The following TMTC2 variants were observed in gnomAD, a reference collection of about 807,000 sequenced individuals.
TMTC2 encodes protein O-mannosyl-transferase TMTC2.
A neutral mutation model predicts 82.4 loss-of-function variants in TMTC2; 43 were observed. That is an observed-to-expected ratio of 0.52 (90% confidence interval 0.41 to 0.67). The LOEUF is 0.67. Ranked by LOEUF, TMTC2 falls within the 30% of genes least tolerant of loss-of-function variation. TMTC2 has a pLI of 0.00. For synonymous variants in TMTC2, 408 were observed against 381.9 expected (o/e 1.07, Z -0.80); for missense variants, 919 against 1,012.4 (o/e 0.91, Z 1.25).
At chr12:82,731,118 A>G (rs1874787060) in intron 1 of TMTC2, among the ~76,000 whole-genome samples, 1 of 152,260 alleles carries the variant, frequency 6.6e-6, no homozygotes, top group Non-Finnish European at 1.5e-5. Context: ...TACATTCAAC[A>G]AATGAAAAAA....
chr12:82,938,969 A>G (rs533340038), intron 4 of TMTC2, among the ~76,000 whole-genome samples: 12 of 152,248 alleles, frequency 7.9e-5, no homozygotes, highest in African/African-American at 2.9e-4. Flanking sequence ...AATCATTATT[A>G]ATTTTTGACT....
chr12:82,785,658 A>G (rs981007384), intron 1 of TMTC2, among the ~76,000 whole-genome samples: 2 of 152,090 alleles, frequency 1.3e-5, no homozygotes, highest in African/African-American at 4.8e-5. Context: ...TTCATTCTCA[A>G]ATCCCAAATG....
chr12:83,072,120 C>G (rs1182839941), intron 11 of TMTC2, among the ~76,000 whole-genome samples: 1 of 152,040 alleles, frequency 6.6e-6, no homozygotes, highest in African/African-American at 2.4e-5. Context: ...TGTGCTCTTT[C>G]AGTCTCTTTG....
chr12:83,129,369 A>G (rs10161243), intron 11 of TMTC2, among the ~76,000 whole-genome samples: 1,954 of 152,276 alleles, frequency 0.013, 40 homozygotes, highest in African/African-American at 0.045. Flanking sequence ...AATTAAAGTG[A>G]TTACAAAAAC....
intron 1 of TMTC2, among the ~76,000 whole-genome samples, chr12:82,692,300 G>T (rs1462960918): frequency 6.6e-6 from 1 of 152,122 alleles, no homozygotes. Flanking sequence ...TAGTTCTTCA[G>T]TGCTAATGTG....
intron 1 of TMTC2, among the ~76,000 whole-genome samples, chr12:82,810,819 C>G (rs762183580): frequency 6.6e-5 from 10 of 152,100 alleles, no homozygotes; most frequent in Non-Finnish European, 1.3e-4. Flanking sequence ...GTGCTCTTCC[C>G]CCTTAGCTGG....
chr12:82,988,850 A>G (rs982653684), intron 8 of TMTC2, among the ~76,000 whole-genome samples: 3 of 147,064 alleles, frequency 2.0e-5, no homozygotes, highest in African/African-American at 7.6e-5. Flanking sequence ...CAGTGAATCT[A>G]TTCCATCTAG....
intron 1 of TMTC2, among the ~76,000 whole-genome samples, chr12:82,776,399 CAT>C (rs1565745556): frequency 3.3e-5 from 5 of 152,090 alleles, no homozygotes; most frequent in Non-Finnish European, 7.4e-5. Context: ...ATTACCTGTG[CAT>C]TTTATTTCCT....
intron 11 of TMTC2, among the ~76,000 whole-genome samples, chr12:83,111,095 A>G (rs1427248336): frequency 2.0e-5 from 3 of 152,172 alleles, no homozygotes; most frequent in Non-Finnish European, 4.4e-5. Context: ...TACCATCACC[A>G]CTGACCTATA....
chr12:82,716,834 T>C lies in TMTC2; in HGVS notation c.83+29165T>C, dbSNP rs576981367. Among the ~76,000 whole-genome samples the C allele has an allele frequency of 3.9e-5, 6 of 152,306 alleles. No individual in the cohort carries two copies. In the East Asian group the frequency reaches 1.2e-3, roughly 29 times the overall value. ...TAACATTGACACAGAAAGCCAAGAC[T>C]TAAGGTTAGTGAAATGCTTATAAGC... is the stretch of plus-strand genomic sequence containing the variant. On this transcript the variant is annotated intron_variant, in intron 1 of 11. Coordinates refer to ENST00000321196, the MANE Select transcript of TMTC2 (RefSeq NM_152588.3).
intron 8 of TMTC2, among the ~76,000 whole-genome samples, chr12:83,000,418 G>GCC (rs1458867385): frequency 6.6e-6 from 1 of 152,154 alleles, no homozygotes; most frequent in African/African-American, 2.4e-5. Flanking sequence ...ACAGGCATGA[G>GCC]CCACCGCACC....
intron 2 of TMTC2, among the ~76,000 whole-genome samples, chr12:82,868,346 G>A (rs1418433204): frequency 2.0e-5 from 3 of 152,210 alleles, no homozygotes; most frequent in Non-Finnish European, 4.4e-5. Flanking sequence ...CACCAGTGCT[G>A]ATAATTGAAA....
At chr12:82,710,499 A>G (rs144151132) in intron 1 of TMTC2, among the ~76,000 whole-genome samples, 314 of 152,372 alleles carry the variant, frequency 2.1e-3, no homozygotes, top group African/African-American at 7.3e-3. Flanking sequence ...TAGGCAGCCC[A>G]GTAATTCCAT....
intron 1 of TMTC2, among the ~76,000 whole-genome samples, chr12:82,810,941 T>G (rs1034794892): frequency 6.6e-6 from 1 of 152,128 alleles, no homozygotes; most frequent in African/African-American, 2.4e-5. Context: ...TTAAATCTCC[T>G]TCTTTTGGCC....
intron 1 of TMTC2, among the ~76,000 whole-genome samples, chr12:82,735,634 C>A (rs894862307): frequency 2.0e-5 from 3 of 151,348 alleles, no homozygotes; most frequent in Non-Finnish European, 1.5e-5. Context: ...CGTGAGCCAC[C>A]GCACCCAGCC....
chr12:82,803,698 T>C (rs1879115780), intron 1 of TMTC2, among the ~76,000 whole-genome samples: 1 of 151,902 alleles, frequency 6.6e-6, no homozygotes, highest in South Asian at 2.1e-4. Flanking sequence ...ACCTCCCAAA[T>C]GTTAGCAGGC....
intron 1 of TMTC2, among the ~76,000 whole-genome samples, chr12:82,840,175 G>A (rs760999404): frequency 3.9e-5 from 6 of 152,194 alleles, no homozygotes; most frequent in Non-Finnish European, 7.3e-5. Flanking sequence ...CATGCACTGT[G>A]CTTTGGAGTT....
intron 1 of TMTC2, among the ~76,000 whole-genome samples, chr12:82,805,643 G>GA: frequency 6.6e-6 from 1 of 151,594 alleles, no homozygotes; most frequent in Admixed American, 6.6e-5. Context: ...TAGTAGCTGG[G>GA]ACTATAGGCA....
chr12:82,986,049 G>A lies in TMTC2; in HGVS notation c.2070+3G>A. ...ATGGGAAGCTGCTAGCTCTAACAGT[G>A]AGTAACCGCCTTCCTTGGTCTTTAA... On this transcript the variant is annotated splice_donor_region_variant and intron_variant, in intron 8 of 11. Transcript: ENST00000321196. The A allele has an allele frequency of 3.7e-6, 6 of 1,613,910 alleles. No individual in the cohort carries two copies. The highest frequency in any genetic ancestry group is 1.1e-5 in the South Asian group (1 of 91,070).
Sources: gnomAD v4.1 joint callset for allele counts (sites outside exome capture counted in the v4.1 genomes callset) on GRCh38, gnomAD v4.1.1 for gene constraint, MANE v1.5 for transcripts, NCBI Gene and HGNC (gene_info 2026-07-23, HGNC 2026-07-21) for gene names.